EYS: variants seen among roughly 807,000 people sequenced by gnomAD.
The protein encoded by EYS is EGF-like photoreceptor maintenance factor.
EYS carries 250 observed loss-of-function variants against 282.1 expected under a neutral mutation model. The observed-to-expected ratio is 0.89, with a 90% confidence interval of 0.80 to 0.98. The LOEUF (loss-of-function observed/expected upper bound fraction) is 0.98. EYS is among the 50% of genes least tolerant of loss of function. EYS has a pLI of 0.00. For missense variants in EYS, 4,016 were observed against 3,709.0 expected, an observed-to-expected ratio of 1.08 and a Z score of -2.15; for synonymous variants, 1,355 against 1,282.9, an observed-to-expected ratio of 1.06 and a Z score of -1.20.
At chr6:65,189,775 T>C (rs1290986340) in intron 12 of EYS, among the ~76,000 whole-genome samples, 1 of 151,754 alleles carries the variant, frequency 6.6e-6, no homozygotes, top group African/African-American at 2.4e-5. Context: ...GCCTCATCAT[T>C]CCTGAACAAT....
intron 31 of EYS, among the ~76,000 whole-genome samples, chr6:64,122,582 T>C (rs1045943270): frequency 6.6e-6 from 1 of 152,188 alleles, no homozygotes; most frequent in Non-Finnish European, 1.5e-5. Context: ...TGTGTGACTT[T>C]GATAAGATGC....
intron 12 of EYS, among the ~76,000 whole-genome samples, chr6:65,278,172 G>C (rs1054461094): frequency 2.0e-5 from 3 of 148,444 alleles, no homozygotes; most frequent in Non-Finnish European, 4.5e-5. Flanking sequence ...TTTGGACTGG[G>C]AGTGTTATGG....
chr6:64,538,446 A>G (rs1312259564), intron 26 of EYS, among the ~76,000 whole-genome samples: 1 of 152,218 alleles, frequency 6.6e-6, no homozygotes, highest in South Asian at 2.1e-4. Context: ...TCTTTTATAA[A>G]GATGGCTTTC....
intron 19 of EYS, among the ~76,000 whole-genome samples, chr6:64,832,388 T>G (rs959492912): frequency 2.0e-5 from 3 of 151,868 alleles, no homozygotes; most frequent in Non-Finnish European, 4.4e-5. Flanking sequence ...ATGAGGTATC[T>G]AGTCACCAAA....
At chr6:64,357,417 G>A (rs930869558) in intron 29 of EYS, among the ~76,000 whole-genome samples, 8 of 151,702 alleles carry the variant, frequency 5.3e-5, no homozygotes, top group South Asian at 2.1e-4. Context: ...TCATCTGAAA[G>A]GGCTACAAAG....
intron 12 of EYS, among the ~76,000 whole-genome samples, chr6:65,095,254 G>A (rs562314420): frequency 7.9e-5 from 12 of 151,300 alleles, no homozygotes; most frequent in East Asian, 5.8e-4. Flanking sequence ...ACCAGAGGCC[G>A]TAGTATTGGG....
intron 30 of EYS, among the ~76,000 whole-genome samples, chr6:64,265,726 C>G (rs1767737044): frequency 6.6e-6 from 1 of 152,070 alleles, no homozygotes; most frequent in Non-Finnish European, 1.5e-5. Context: ...AATTGACAAC[C>G]AATTCCAGAT....
At chr6:64,448,442 C>T (rs1775196566) in intron 26 of EYS, among the ~76,000 whole-genome samples, 1 of 152,326 alleles carries the variant, frequency 6.6e-6, no homozygotes, top group South Asian at 2.1e-4. Flanking sequence ...AGGGCACAGA[C>T]AAACAAAAGA....
intron 33 of EYS, among the ~76,000 whole-genome samples, chr6:64,062,691 CAAAA>C (rs1023609648): frequency 3.4e-5 from 2 of 58,960 alleles, no homozygotes; most frequent in Admixed American, 2.0e-4. Context: ...AACTCCAACT[CAAAA>C]AAAAAAAAAA....
chr6:64,668,815 CCTCAGCCTCCCAAAGTG>C (rs1162351662), intron 22 of EYS, among the ~76,000 whole-genome samples: 1 of 152,004 alleles, frequency 6.6e-6, no homozygotes, highest in Non-Finnish European at 1.5e-5. Flanking sequence ...GATCCACCCG[CCTCAGCCTCCCAAAGTG>C]CTGGTATTAC....
At chr6:64,342,920 A>G (rs1412980400) in intron 29 of EYS, among the ~76,000 whole-genome samples, 1 of 152,058 alleles carries the variant, frequency 6.6e-6, no homozygotes, top group African/African-American at 2.4e-5. Flanking sequence ...TCTTGGATAA[A>G]ACAGACTTTA....
chr6:64,443,813 G>C (rs2150470403), intron 26 of EYS, among the ~76,000 whole-genome samples: 1 of 152,202 alleles, frequency 6.6e-6, no homozygotes, highest in Non-Finnish European at 1.5e-5. Context: ...CAGCCATGTG[G>C]AACTGTAAGT....
At chr6:65,612,385 T>C (rs1766032979) in intron 2 of EYS, among the ~76,000 whole-genome samples, 1 of 151,630 alleles carries the variant, frequency 6.6e-6, no homozygotes, top group Non-Finnish European at 1.5e-5. Flanking sequence ...GATTACTGCT[T>C]AAAGAAAAAC....
intron 8 of EYS, 135 bp from the exon 9 acceptor site, chr6:65,353,752 C>G: frequency 1.5e-6 from 1 of 662,428 alleles, no homozygotes. Context: ...TTTTATACTT[C>G]TCTTTATTTC....
chr6:65,638,702 G>A (rs1023213125), intron 2 of EYS, among the ~76,000 whole-genome samples: 5 of 152,222 alleles, frequency 3.3e-5, no homozygotes, highest in African/African-American at 7.2e-5. Flanking sequence ...CTGGCTGTGC[G>A]CAGTGGGTGG....
At chr6:64,315,887 T>A (rs1769938725) in intron 29 of EYS, among the ~76,000 whole-genome samples, 1 of 152,168 alleles carries the variant, frequency 6.6e-6, no homozygotes, top group Non-Finnish European at 1.5e-5. Flanking sequence ...GTCGGCTTCA[T>A]CCCTGGGATA....
chr6:64,516,799 T>A (rs1234445260), intron 26 of EYS, among the ~76,000 whole-genome samples: 1 of 151,856 alleles, frequency 6.6e-6, no homozygotes. Context: ...ATTTCATTAA[T>A]TTTATATTTT....
chr6:64,833,410 T>C (rs966415679), intron 19 of EYS, among the ~76,000 whole-genome samples: 1 of 151,860 alleles, frequency 6.6e-6, no homozygotes, highest in Non-Finnish European at 1.5e-5. Context: ...ATGACTAGTG[T>C]AAAAATATTG....
intron 22 of EYS, among the ~76,000 whole-genome samples, chr6:64,764,808 G>C (rs1447361998): frequency 6.6e-6 from 1 of 152,112 alleles, no homozygotes; most frequent in African/African-American, 2.4e-5. Flanking sequence ...GTATGATCTT[G>C]GCTCACTGCA....
Sources: allele counts gnomAD v4.1 joint callset (sites outside exome capture counted in the v4.1 genomes callset), GRCh38; gene constraint gnomAD v4.1.1; transcripts MANE v1.5; gene names NCBI Gene and HGNC (gene_info 2026-07-23, HGNC 2026-07-21).